STRN: variants seen among roughly 807,000 people sequenced by gnomAD.
The protein encoded by STRN is striatin, also known as protein phosphatase 2 regulatory subunit B'''alpha.
STRN carries 53 observed loss-of-function variants against 96.3 expected under a neutral mutation model. That is an observed-to-expected ratio of 0.55 (90% CI 0.44 to 0.69). The LOEUF (loss-of-function observed/expected upper bound fraction) is 0.69. STRN is among the 30% of genes least tolerant of loss of function. The pLI, the probability that STRN is intolerant of heterozygous loss-of-function variation, is 0.00. For synonymous variants in STRN, 428 were observed against 355.9 expected, an observed-to-expected ratio of 1.20 and a Z score of -2.28; for missense variants, 987 against 963.9, an observed-to-expected ratio of 1.02 and a Z score of -0.32.
At chr2:36,941,431 T>C (rs905489036) in intron 1 of STRN, among the ~76,000 whole-genome samples, 1 of 152,208 alleles carries the variant, frequency 6.6e-6, no homozygotes, top group African/African-American at 2.4e-5. Context: ...TTAAATGACA[T>C]GCTCTATTTT....
intron 9 of STRN, among the ~76,000 whole-genome samples, chr2:36,878,469 A>C (rs1668973503): frequency 6.6e-6 from 1 of 152,228 alleles, no homozygotes; most frequent in African/African-American, 2.4e-5. Context: ...AAAATGGGTC[A>C]AATTCTTAAA....
At chr2:36,878,748 T>A (rs1333953091) in intron 9 of STRN, among the ~76,000 whole-genome samples, 1 of 152,082 alleles carries the variant, frequency 6.6e-6, no homozygotes, top group African/African-American at 2.4e-5. Flanking sequence ...ATTTTTTATT[T>A]CTTTTTTTTT....
chr2:36,915,338 T>C (rs1475843825), intron 3 of STRN, among the ~76,000 whole-genome samples: 6 of 148,566 alleles, frequency 4.0e-5, no homozygotes, highest in Admixed American at 2.7e-4. Flanking sequence ...TCTTCAGATA[T>C]CTGATTGGGA....
chr2:36,894,592 C>T (rs1352605826), intron 6 of STRN, among the ~76,000 whole-genome samples: 1 of 152,196 alleles, frequency 6.6e-6, no homozygotes, highest in South Asian at 2.1e-4. Flanking sequence ...CTGTCTCCAT[C>T]TCAGTCACCT....
intron 3 of STRN, among the ~76,000 whole-genome samples, chr2:36,914,970 G>A (rs1445388194): frequency 1.3e-5 from 2 of 151,952 alleles, no homozygotes; most frequent in East Asian, 1.9e-4. Context: ...GCCGAGGGGG[G>A]GCGGATCCCG....
intron 1 of STRN, among the ~76,000 whole-genome samples, chr2:36,958,729 G>A (rs1055832890): frequency 1.3e-5 from 2 of 152,192 alleles, no homozygotes; most frequent in East Asian, 1.9e-4. Context: ...AAATGCAATC[G>A]AGGACAAACC....
intron 1 of STRN, among the ~76,000 whole-genome samples, chr2:36,939,049 G>A (rs1339174552): frequency 1.3e-5 from 2 of 151,516 alleles, no homozygotes; most frequent in Admixed American, 6.6e-5. Context: ...GCAGTGGTGC[G>A]AGCTCGGCTC....
At chr2:36,859,776 A>G (rs1668431201) in intron 13 of STRN, among the ~76,000 whole-genome samples, 1 of 152,256 alleles carries the variant, frequency 6.6e-6, no homozygotes. Flanking sequence ...TAGAATGGAC[A>G]GATTTCAAAA....
intron 1 of STRN, among the ~76,000 whole-genome samples, chr2:36,947,157 A>G (rs1664597521): frequency 6.6e-6 from 1 of 152,118 alleles, no homozygotes; most frequent in Non-Finnish European, 1.5e-5. Flanking sequence ...CGGCCTCCCA[A>G]AGTTCTGGGA....
intron 1 of STRN, among the ~76,000 whole-genome samples, chr2:36,940,139 C>A (rs1411760465): frequency 1.3e-5 from 2 of 152,078 alleles, no homozygotes; most frequent in African/African-American, 4.8e-5. Flanking sequence ...TTTCTGATTA[C>A]TGAAGAAATG....
chr2:36,877,562 G>A (rs906990423), intron 10 of STRN, among the ~76,000 whole-genome samples: 1 of 152,148 alleles, frequency 6.6e-6, no homozygotes, highest in African/African-American at 2.4e-5. Context: ...TTGAGACGGA[G>A]TCTCACTCTG....
chr2:36,869,514 C>T, intron 11 of STRN, 40 bp downstream of exon 11: 1 of 1,408,408 alleles, frequency 7.1e-7, no homozygotes, highest in Non-Finnish European at 9.4e-7. Flanking sequence ...GAAAATGTTA[C>T]TTAAAATATT....
chr2:36,941,440 T>C (rs1003750496), intron 1 of STRN, among the ~76,000 whole-genome samples: 2 of 152,242 alleles, frequency 1.3e-5, no homozygotes, highest in East Asian at 3.8e-4. Context: ...ATGCTCTATT[T>C]TAGCTTCTAT....
intron 13 of STRN, among the ~76,000 whole-genome samples, chr2:36,860,931 G>A (rs1030146377): frequency 1.3e-5 from 2 of 152,130 alleles, no homozygotes; most frequent in African/African-American, 4.8e-5. Context: ...GTATTTTCAA[G>A]AATGTGTTCT....
intron 12 of STRN, among the ~76,000 whole-genome samples, chr2:36,864,523 T>C (rs1219052970): frequency 6.6e-6 from 1 of 152,202 alleles, no homozygotes. Context: ...TTGTGGTGGA[T>C]TAGCTTTTTG....
At chr2:36,896,250 A>T (rs1669537318) in intron 6 of STRN, among the ~76,000 whole-genome samples, 1 of 152,244 alleles carries the variant, frequency 6.6e-6, no homozygotes, top group South Asian at 2.1e-4. Context: ...TTGGGGGGAA[A>T]AACTTGTTTC....
At chr2:36,899,807 T>G in intron 5 of STRN, 149 bp from the exon 6 acceptor site, 1 of 778,484 alleles carries the variant, frequency 1.3e-6, no homozygotes, top group Non-Finnish European at 2.0e-6. Context: ...AATTACACTC[T>G]CACAAATTTA....
chr2:36,901,915 G>C (rs556050638), intron 5 of STRN, among the ~76,000 whole-genome samples: 1 of 152,216 alleles, frequency 6.6e-6, no homozygotes, highest in East Asian at 1.9e-4. Context: ...CTAAACAAGT[G>C]TCAAAATAAA....
chr2:36,924,652 A>G (rs571710223), intron 2 of STRN, among the ~76,000 whole-genome samples: 1 of 152,346 alleles, frequency 6.6e-6, no homozygotes, highest in East Asian at 1.9e-4. Flanking sequence ...TAAAATTAAC[A>G]TATTACAACC....
Sources: gnomAD v4.1 joint callset for allele counts (sites outside exome capture counted in the v4.1 genomes callset) on GRCh38, gnomAD v4.1.1 for gene constraint, MANE v1.5 for transcripts, NCBI Gene and HGNC (gene_info 2026-07-23, HGNC 2026-07-21) for gene names.